KLF12: variants seen among roughly 807,000 people sequenced by gnomAD.
KLF12 encodes the protein KLF transcription factor 12, also known as Krueppel-like factor 12.
Under a neutral mutation model 37.8 loss-of-function variants are expected in KLF12, and 9 were observed. That is an observed-to-expected ratio of 0.24 (90% CI 0.14 to 0.42). KLF12 has a LOEUF of 0.42. KLF12 is among the 10% of genes least tolerant of loss of function. The probability of loss-of-function intolerance (pLI) is 1.00; values close to 1 mark genes in which losing one functional copy is unlikely to be tolerated. For missense variants in KLF12, 411 were observed against 516.0 expected (o/e 0.80, Z 1.97); for synonymous variants, 208 against 202.1 (o/e 1.03, Z -0.25).
intron 2 of KLF12, among the ~76,000 whole-genome samples, chr13:73,956,220 A>G (rs1890825687): frequency 6.6e-6 from 1 of 152,222 alleles, no homozygotes; most frequent in African/African-American, 2.4e-5. Flanking sequence ...AAATAGAAAC[A>G]GTATAATTTT....
intron 3 of KLF12, among the ~76,000 whole-genome samples, chr13:73,899,786 T>C (rs918321614): frequency 5.3e-5 from 8 of 152,144 alleles, no homozygotes; most frequent in African/African-American, 1.9e-4. Flanking sequence ...TTGGAACTTG[T>C]ACCCCAAACC....
chr13:73,859,416 C>T (rs1249866903), intron 3 of KLF12, among the ~76,000 whole-genome samples: 1 of 152,162 alleles, frequency 6.6e-6, no homozygotes, highest in Non-Finnish European at 1.5e-5. Context: ...ATCCACCTCC[C>T]CATGCTGCCT....
chr13:74,025,191 T>C (rs1379061536), intron 1 of KLF12, among the ~76,000 whole-genome samples: 1 of 152,236 alleles, frequency 6.6e-6, no homozygotes, highest in Non-Finnish European at 1.5e-5. Flanking sequence ...TTGCCTTTGC[T>C]TACTTTGTTT....
chr13:73,967,685 C>G (rs9592959), intron 2 of KLF12, among the ~76,000 whole-genome samples: 7,414 of 152,206 alleles, frequency 0.049, 389 homozygotes, highest in African/African-American at 0.13. Flanking sequence ...ATTGTGTTCT[C>G]ACGAGTTTCG....
At chr13:73,937,083 G>C (rs1889968407) in intron 3 of KLF12, among the ~76,000 whole-genome samples, 2 of 152,136 alleles carry the variant, frequency 1.3e-5, no homozygotes, top group African/African-American at 4.8e-5. Flanking sequence ...CCAGTTACTT[G>C]GGAGGCTGAG....
chr13:73,886,789 C>G (rs9318223), intron 3 of KLF12, among the ~76,000 whole-genome samples: 119,114 of 151,966 alleles, frequency 0.78, 46,879 homozygotes, highest in East Asian at 0.91. Flanking sequence ...GTCCGGAGTT[C>G]AAGACCAGCC....
chr13:74,138,123 C>T (rs1878612253), upstream of KLF12, among the ~76,000 whole-genome samples: 1 of 152,200 alleles, frequency 6.6e-6, no homozygotes, highest in Admixed American at 6.5e-5. Flanking sequence ...GGTAAAAACT[C>T]TGTTCAATAT....
chr13:73,852,299 A>G (rs1185586179), intron 3 of KLF12, among the ~76,000 whole-genome samples: 4 of 152,232 alleles, frequency 2.6e-5, no homozygotes, highest in African/African-American at 7.2e-5. Flanking sequence ...AAAGTATACT[A>G]AAGAAAGATA....
At chr13:74,251,299 G>A in the KLF12 span, among the ~76,000 whole-genome samples, 2 of 151,880 alleles carry the variant, frequency 1.3e-5, no homozygotes, top group Non-Finnish European at 2.9e-5. Context: ...TTACAAGCAT[G>A]CATCCTGCTA....
intron 2 of KLF12, among the ~76,000 whole-genome samples, chr13:73,947,642 C>T (rs1488488894): frequency 7.2e-5 from 5 of 69,314 alleles, no homozygotes; most frequent in African/African-American, 1.3e-4. Context: ...CAGAGGGAGA[C>T]GGTCTCAAAA....
At chr13:74,133,664 G>A (rs1878394493) in intron 1 of KLF12, among the ~76,000 whole-genome samples, 1 of 114,416 alleles carries the variant, frequency 8.7e-6, no homozygotes, top group African/African-American at 3.0e-5. Flanking sequence ...AATACGGTCT[G>A]ATTTGGGATG....
chr13:73,930,795 A>G (rs1414483091), intron 3 of KLF12, among the ~76,000 whole-genome samples: 2 of 152,018 alleles, frequency 1.3e-5, no homozygotes, highest in African/African-American at 2.4e-5. Flanking sequence ...AATAAAGCAC[A>G]GCATTACTTT....
At chr13:73,994,420 A>C (rs1348990924) in intron 2 of KLF12, among the ~76,000 whole-genome samples, 1 of 152,090 alleles carries the variant, frequency 6.6e-6, no homozygotes, top group Non-Finnish European at 1.5e-5. Context: ...CAACTACCAC[A>C]AATAAGGTAA....
At chr13:74,055,736 A>C (rs1873210097) in intron 1 of KLF12, among the ~76,000 whole-genome samples, 2 of 152,198 alleles carry the variant, frequency 1.3e-5, no homozygotes, top group African/African-American at 4.8e-5. Flanking sequence ...GGCAGAGGGA[A>C]AAAAACAACC....
At chr13:74,010,116 A>G (rs926619308) in intron 1 of KLF12, among the ~76,000 whole-genome samples, 2 of 151,658 alleles carry the variant, frequency 1.3e-5, no homozygotes, top group African/African-American at 4.8e-5. Flanking sequence ...CACCTGGCTG[A>G]TTTTTTGGTA....
At chr13:73,894,409 T>A (rs1452808250) in intron 3 of KLF12, among the ~76,000 whole-genome samples, 1 of 152,198 alleles carries the variant, frequency 6.6e-6, no homozygotes, top group Non-Finnish European at 1.5e-5. Flanking sequence ...GAGAGTCTCC[T>A]AATCTCCCAC....
chr13:73,909,982 A>G (rs532107860), intron 3 of KLF12, among the ~76,000 whole-genome samples: 367 of 152,136 alleles, frequency 2.4e-3, no homozygotes, highest in Non-Finnish European at 4.1e-3. Context: ...TTTTTTTTGG[A>G]CACATTTAAT....
At chr13:74,160,106 A>G in the KLF12 span, among the ~76,000 whole-genome samples, 1 of 152,038 alleles carries the variant, frequency 6.6e-6, no homozygotes. Context: ...TAAATTGGCA[A>G]TTTGGCTTAT....
At chr13:73,855,084 CA>C (rs915405864) in intron 3 of KLF12, among the ~76,000 whole-genome samples, 9 of 152,262 alleles carry the variant, frequency 5.9e-5, no homozygotes, top group Admixed American at 5.2e-4. Flanking sequence ...TTTCCATGAG[CA>C]GTGGATTTAT....
Sources: gnomAD v4.1 joint callset for allele counts (sites outside exome capture counted in the v4.1 genomes callset) on GRCh38, gnomAD v4.1.1 for gene constraint, MANE v1.5 for transcripts, NCBI Gene and HGNC (gene_info 2026-07-23, HGNC 2026-07-21) for gene names.